FGD5: variants seen among roughly 807,000 people sequenced by gnomAD.
FGD5 encodes the protein FYVE, RhoGEF and PH domain containing 5, also known as FYVE, RhoGEF and PH domain-containing protein 5.
In FGD5, 28 loss-of-function variants were observed where a neutral mutation model predicts 133.4. The observed-to-expected ratio is 0.21, with a 90% CI of 0.16 to 0.29. FGD5 has a LOEUF of 0.29. Ranked by LOEUF, FGD5 falls within the 10% of genes least tolerant of loss-of-function variation. The pLI, the probability that FGD5 is intolerant of heterozygous loss-of-function variation, is 1.00. For missense variants in FGD5, 1,858 were observed against 1,895.2 expected, an observed-to-expected ratio of 0.98 and a Z score of 0.36; for synonymous variants, 810 against 776.5, an observed-to-expected ratio of 1.04 and a Z score of -0.72.
intron 9 of FGD5, among the ~76,000 whole-genome samples, chr3:14,905,013 A>G (rs1051615990): frequency 1.3e-5 from 2 of 151,938 alleles, no homozygotes; most frequent in East Asian, 3.9e-4. Context: ...GTTTTTACCA[A>G]TGTTTCCCAT....
chr3:14,906,580 C>T (rs1043150787), intron 9 of FGD5, among the ~76,000 whole-genome samples: 5 of 152,210 alleles, frequency 3.3e-5, no homozygotes, highest in South Asian at 2.1e-4. Flanking sequence ...CTCGTGGGCA[C>T]GTGGCAGAGA....
Position 14,819,914 on chromosome 3 carries a change from G to A in FGD5, c.843G>A (p.Glu281=). The change falls in exon 1 of 20, where the codon GAG becomes GAA. Residue 281 remains glutamate (E), a synonymous_variant. Coordinates refer to ENST00000285046, the MANE Select transcript of FGD5 (RefSeq NM_152536.4). The surrounding 1 kb of genome is among the most constrained non-coding windows in gnomAD (Gnocchi z 4.1). The stretch of plus-strand genomic sequence containing the variant: ...AAGTTCTTGAGGAGGGATGTGAAGA[G>A]GCCACGGGTGTCACAGGTGGGGAAC... The part of the protein sequence containing the change: ...CPEVLEEGCE[E]ATGVTGGEQV... The A allele has an allele frequency of 6.2e-7, 1 of 1,613,922 alleles. No homozygotes were observed. Among genetic ancestry groups the A allele is most frequent in the Non-Finnish European group, 8.5e-7 (1 of 1,179,886 alleles).
intron 4 of FGD5, among the ~76,000 whole-genome samples, chr3:14,890,849 C>G (rs1006525453): frequency 2.0e-5 from 3 of 152,214 alleles, no homozygotes; most frequent in African/African-American, 7.2e-5. Context: ...TCTCCCAGCA[C>G]TGTACAATTG....
At chr3:14,875,316 T>C (rs997330068) in intron 2 of FGD5, among the ~76,000 whole-genome samples, 2 of 147,470 alleles carry the variant, frequency 1.4e-5, no homozygotes, top group African/African-American at 5.0e-5. Flanking sequence ...TGGATGTGGG[T>C]TATTTTAGGG....
intron 1 of FGD5, among the ~76,000 whole-genome samples, chr3:14,844,234 A>ATG (rs2036995064): frequency 3.0e-5 from 1 of 32,886 alleles, no homozygotes; most frequent in African/African-American, 1.7e-4. Flanking sequence ...ATATATATAT[A>ATG]TATATATATA....
intron 1 of FGD5, among the ~76,000 whole-genome samples, chr3:14,862,553 C>T (rs187647828): frequency 2.0e-5 from 3 of 152,304 alleles, no homozygotes; most frequent in African/African-American, 7.2e-5. Flanking sequence ...CACACCTCAG[C>T]AAGCCTGGCG....
In FGD5 at chr3:14,880,746, G is replaced by C. The variant is rs201010968; in HGVS notation, c.2722G>C (p.Val908Leu). The change falls in exon 4 of 20, where the codon GTG (valine) becomes CTG (leucine). Residue 908 changes from valine (V) to leucine (L), a missense_variant. Coordinates refer to ENST00000285046, the MANE Select transcript of FGD5 (RefSeq NM_152536.4). ...QELLSSEKAY[V>L]EMLQHLNLDF... Reference sequence around the variant, plus strand: ...CAACCCTCTTTCCCTCTGCAGATACGTGGAGATGCTCCAGCACTTAAATCT... The same window carrying C: ...CAACCCTCTTTCCCTCTGCAGATACCTGGAGATGCTCCAGCACTTAAATCT... The C allele has an allele frequency of 6.2e-7, 1 of 1,614,044 alleles. No individual in the cohort carries two copies. The highest frequency in any genetic ancestry group is 2.2e-5 in the East Asian group (1 of 44,890).
intron 1 of FGD5, chr3:14,811,335 C>G (rs2125061879): frequency 6.6e-6 from 1 of 152,470 alleles, no homozygotes; most frequent in East Asian, 1.9e-4. Context: ...GACCAGTTCC[C>G]AGCCCTTCAG....
intron 1 of FGD5, among the ~76,000 whole-genome samples, chr3:14,811,140 C>T (rs902744833): frequency 1.3e-5 from 2 of 152,152 alleles, no homozygotes; most frequent in African/African-American, 4.8e-5. Context: ...ATCCCACTCG[C>T]ACGGCGTTCC....
intron 1 of FGD5, among the ~76,000 whole-genome samples, chr3:14,838,180 C>T (rs1017320290): frequency 1.3e-5 from 2 of 152,160 alleles, no homozygotes; most frequent in African/African-American, 4.8e-5. Context: ...TGATCTTTGC[C>T]CTGGCTGCAG....
rs767790139 is a variant in FGD5, at chr3:14,907,720, C to T, written c.3336+9C>T. The T allele has an allele frequency of 1.4e-5, 23 of 1,613,012 alleles. No homozygotes were observed. Among genetic ancestry groups the T allele is most frequent in the South Asian group, 4.4e-5 (4 of 90,958 alleles). On this transcript the variant is annotated intron_variant, in intron 10 of 19. Coordinates refer to ENST00000285046, the MANE Select transcript of FGD5 (RefSeq NM_152536.4). ...TCCTCCAGCCAGGAAGGGTGAGTGC[C>T]GCCACCATGGGTAGGGGCAGAGGGT...
chr3:14,819,312 G>A lies in FGD5; in HGVS notation c.241G>A (p.Glu81Lys), dbSNP rs1265755994. The change falls in exon 1 of 20, where the codon GAG becomes AAG. Residue 81 changes from glutamate (E) to lysine (K), a missense_variant. Around this residue, in one of 3 missense-constraint regions of FGD5, gnomAD observed 1,824 missense variants for 1,848.9 expected, o/e 0.99. Coordinates refer to ENST00000285046, the MANE Select transcript of FGD5 (RefSeq NM_152536.4). This position sits in a 1 kb window ranked among gnomAD's most constrained non-coding sequence, Gnocchi z 4.1. ...VPLREDEPKD[E>K]GSVGNKALVS... ...GCTGAGGGAGGATGAACCCAAGGAC[G>A]AGGGCAGTGTGGGGAACAAAGCCCT... 3.9e-6 allele frequency: 6 copies of A among 1,535,454 alleles called. No homozygotes were observed. The South Asian group carries it at 5.0e-5, about 13-fold the overall frequency.
chr3:14,907,898 G>T (rs2125141150), intron 10 of FGD5, among the ~76,000 whole-genome samples, 187 bp downstream of exon 10: 1 of 152,306 alleles, frequency 6.6e-6, no homozygotes, highest in Non-Finnish European at 1.5e-5. Context: ...CCTTCCCTGG[G>T]GTTCTCCACC....
At chr3:14,897,344 C>T in intron 4 of FGD5, 165 bp from the exon 5 acceptor site, 1 of 780,168 alleles carries the variant, frequency 1.3e-6, no homozygotes, top group Non-Finnish European at 2.0e-6. Context: ...TGCATGTGGT[C>T]ATCTCTGCTT....
intron 4 of FGD5, among the ~76,000 whole-genome samples, chr3:14,887,366 C>T (rs2037944363): frequency 6.6e-6 from 1 of 151,894 alleles, no homozygotes; most frequent in African/African-American, 2.4e-5. Flanking sequence ...CCCAGCAGTC[C>T]TATCCTTTCT....
rs2038930413 is a variant in FGD5 at position 14,933,319 on chromosome 3, G to A, written c.*152G>A. ...GCTATAACCGCCCCACCACTCCCCTGCCCTTGCCAACATCTTCATGAATGG... is the reference window on the plus strand; with the variant it reads ...GCTATAACCGCCCCACCACTCCCCTACCCTTGCCAACATCTTCATGAATGG... On this transcript the variant is annotated 3_prime_UTR_variant, in exon 20 of 20. Coordinates refer to ENST00000285046, the MANE Select transcript of FGD5 (RefSeq NM_152536.4). The A allele has an allele frequency of 7.9e-6, 6 of 755,848 alleles. No homozygotes were observed. The South Asian group carries it at 9.4e-5, about 12-fold the overall frequency. The allele number at this position is 755,848 out of a possible 1,614,324, so 46.8% of individuals were successfully genotyped here.
chr3:14,836,535 C>T (rs1431157069), intron 1 of FGD5, among the ~76,000 whole-genome samples: 2 of 152,216 alleles, frequency 1.3e-5, no homozygotes, highest in Non-Finnish European at 1.5e-5. Context: ...TCATGCTTTG[C>T]CAGCCTTTGC....
intron 9 of FGD5, among the ~76,000 whole-genome samples, chr3:14,906,224 A>T (rs2038338516): frequency 6.6e-6 from 1 of 152,148 alleles, no homozygotes; most frequent in African/African-American, 2.4e-5. Context: ...TGCTGGACTT[A>T]TGGTGGGCAC....
intron 4 of FGD5, among the ~76,000 whole-genome samples, chr3:14,883,813 A>G (rs572884520): frequency 6.6e-6 from 1 of 152,356 alleles, no homozygotes; most frequent in South Asian, 2.1e-4. Context: ...AGTTTTGTGC[A>G]GAATCTGCAG....
Sources: gnomAD v4.1 joint callset for allele counts (sites outside exome capture counted in the v4.1 genomes callset) on GRCh38, gnomAD v4.1.1 for gene constraint, gnomAD v4.1.1 regional missense constraint, Gnocchi (gnomAD v3.1) non-coding constraint, MANE v1.5 for transcripts, NCBI Gene and HGNC (gene_info 2026-07-23, HGNC 2026-07-21) for gene names.